The following FOXP1 variants were observed in gnomAD, a reference collection of about 807,000 sequenced individuals.
FOXP1 encodes forkhead box P1, also known as forkhead box protein P1.
FOXP1 carries 15 observed loss-of-function variants against 98.2 expected under a neutral mutation model. The observed-to-expected ratio is 0.15, with a 90% CI of 0.10 to 0.24. The LOEUF is 0.24. Ranked by LOEUF, FOXP1 falls within the 10% of genes least tolerant of loss-of-function variation. FOXP1 has a pLI of 1.00. For missense variants in FOXP1, 633 were observed against 848.5 expected, an observed-to-expected ratio of 0.75 and a Z score of 3.15; for synonymous variants, 371 against 314.5, an observed-to-expected ratio of 1.18 and a Z score of -1.90.
intron 3 of FOXP1, among the ~76,000 whole-genome samples, chr3:71,399,354 C>G (rs1577311579): frequency 6.6e-6 from 1 of 152,164 alleles, no homozygotes; most frequent in African/African-American, 2.4e-5. Flanking sequence ...AACAAAACTA[C>G]AAACCAGAAA....
At position 71,283,560 on chromosome 3, in the gene FOXP1, C is replaced by G. The variant is rs879307200; in HGVS notation, c.-12+16260G>C. Among the ~76,000 whole-genome samples the G allele has an allele frequency of 2.0e-5, 3 of 152,100 alleles. No individual in the cohort carries two copies. In the South Asian group the frequency reaches 6.2e-4, roughly 32 times the overall value. ...CTCCTGAAGGGATCTGGATGACAACCCTTTTTTATTTTAGCTGCTGAGGAT... is the reference window on the plus strand; with the variant it reads ...CTCCTGAAGGGATCTGGATGACAACGCTTTTTTATTTTAGCTGCTGAGGAT... On this transcript the variant is annotated intron_variant, in intron 5 of 20. Coordinates refer to ENST00000649528, the MANE Select transcript of FOXP1 (RefSeq NM_001349338.3).
At chr3:71,494,406 T>TGGC (rs2091267345) in intron 2 of FOXP1, among the ~76,000 whole-genome samples, 1 of 152,218 alleles carries the variant, frequency 6.6e-6, no homozygotes, top group Non-Finnish European at 1.5e-5. Context: ...GTTTTGTTTT[T>TGGC]ACCATGATTC....
intron 3 of FOXP1, among the ~76,000 whole-genome samples, chr3:71,492,067 T>A (rs2091098010): frequency 6.6e-6 from 1 of 152,134 alleles, no homozygotes; most frequent in Non-Finnish European, 1.5e-5. Flanking sequence ...AGCTGTCCCA[T>A]TTGTAAACTG....
intron 2 of FOXP1, among the ~76,000 whole-genome samples, chr3:71,575,724 A>C (rs984389995): frequency 2.0e-5 from 3 of 152,264 alleles, no homozygotes; most frequent in African/African-American, 7.2e-5. Flanking sequence ...AATATCTTTT[A>C]AAAATGTGAG....
intron 3 of FOXP1, among the ~76,000 whole-genome samples, chr3:71,392,145 A>G (rs1560417032): frequency 6.6e-6 from 1 of 152,214 alleles, no homozygotes; most frequent in Non-Finnish European, 1.5e-5. Context: ...CACATTTCCT[A>G]AAGATTTTCA....
At chr3:71,125,165 G>A (rs2059072113) in intron 6 of FOXP1, among the ~76,000 whole-genome samples, 1 of 152,200 alleles carries the variant, frequency 6.6e-6, no homozygotes, top group Admixed American at 6.5e-5. Context: ...GCTAGGGGGA[G>A]ATGATGATAC....
At chr3:71,266,941 C>T (rs953342662) in intron 5 of FOXP1, among the ~76,000 whole-genome samples, 4 of 152,170 alleles carry the variant, frequency 2.6e-5, no homozygotes, top group African/African-American at 9.7e-5. Context: ...TTTCAATGCT[C>T]TCTCCAAATC....
intron 4 of FOXP1, among the ~76,000 whole-genome samples, chr3:71,328,128 A>C (rs2076032121): frequency 6.6e-6 from 1 of 152,164 alleles, no homozygotes; most frequent in South Asian, 2.1e-4. Context: ...GTTTACATTA[A>C]AGGAGGCAGA....
At chr3:71,089,217 G>C (rs2055512986) in intron 7 of FOXP1, among the ~76,000 whole-genome samples, 1 of 152,194 alleles carries the variant, frequency 6.6e-6, no homozygotes, top group Admixed American at 6.5e-5. Context: ...GTAATGGTAT[G>C]TGATTTCCAA....
At chr3:71,195,000 C>G (rs2063215523) in intron 6 of FOXP1, among the ~76,000 whole-genome samples, 1 of 152,136 alleles carries the variant, frequency 6.6e-6, no homozygotes, top group Admixed American at 6.5e-5. Context: ...TACCTAGAGG[C>G]ATAAATGAGC....
At chr3:71,409,174 T>G (rs2082550434) in intron 3 of FOXP1, among the ~76,000 whole-genome samples, 1 of 152,218 alleles carries the variant, frequency 6.6e-6, no homozygotes, top group South Asian at 2.1e-4. Context: ...CACTATCTTT[T>G]TCTTTCTTAA....
intron 13 of FOXP1, among the ~76,000 whole-genome samples, chr3:70,991,492 T>C (rs1310119991): frequency 2.6e-5 from 4 of 152,204 alleles, no homozygotes; most frequent in Admixed American, 2.0e-4. Context: ...ACTCATTATT[T>C]TAACAGAGAA....
chr3:70,992,511 C>T (rs2040758548), intron 13 of FOXP1, among the ~76,000 whole-genome samples: 1 of 152,114 alleles, frequency 6.6e-6, no homozygotes, highest in Non-Finnish European at 1.5e-5. Flanking sequence ...ATTTTTGACC[C>T]ACCTTGTCAA....
chr3:71,377,996 CT>C (rs1184742952), intron 3 of FOXP1, among the ~76,000 whole-genome samples: 1 of 151,118 alleles, frequency 6.6e-6, no homozygotes, highest in Non-Finnish European at 1.5e-5. Flanking sequence ...CACACTGGTC[CT>C]GTTTTTTGTT....
At chr3:71,396,400 T>C (rs1225263244) in intron 3 of FOXP1, among the ~76,000 whole-genome samples, 1 of 152,126 alleles carries the variant, frequency 6.6e-6, no homozygotes, top group East Asian at 1.9e-4. Flanking sequence ...CACACTATTA[T>C]CATCTCCATT....
chr3:71,243,402 G>A (rs1228336737), intron 5 of FOXP1, among the ~76,000 whole-genome samples: 1 of 152,162 alleles, frequency 6.6e-6, no homozygotes, highest in African/African-American at 2.4e-5. Flanking sequence ...CAGTCATAAC[G>A]TAAAATAAAA....
chr3:70,976,557 G>GAGAT lies in FOXP1; in HGVS notation c.1530+380_1530+383dup, dbSNP rs1478420142. 1.3e-5 allele frequency among the ~76,000 whole-genome samples: 2 copies of GAGAT among 152,248 alleles called. 1 individual carries two copies. The highest frequency in any genetic ancestry group is 3.9e-4 in the East Asian group (2 of 5,172). On this transcript the variant is annotated intron_variant, in intron 17 of 20. Transcript: ENST00000649528. ...GTCATTTCTCCAGGTTCCATCTCTG[G>GAGAT]AGATAGATCGCTGGAGATACATCTC...
chr3:71,119,463 T>G (rs2058603673), intron 6 of FOXP1, among the ~76,000 whole-genome samples: 1 of 152,126 alleles, frequency 6.6e-6, no homozygotes, highest in South Asian at 2.1e-4. Flanking sequence ...TTTCATGGAC[T>G]AATCAACAGT....
chr3:71,472,452 T>C (rs985067185), intron 3 of FOXP1, among the ~76,000 whole-genome samples: 2 of 150,210 alleles, frequency 1.3e-5, no homozygotes, highest in Non-Finnish European at 3.0e-5. Context: ...TTTTTTTTTT[T>C]CTATGCTACA....
Sources: allele counts gnomAD v4.1 joint callset (sites outside exome capture counted in the v4.1 genomes callset), GRCh38; gene constraint gnomAD v4.1.1; transcripts MANE v1.5; gene names NCBI Gene and HGNC (gene_info 2026-07-23, HGNC 2026-07-21).